The following MIAT variants were observed in gnomAD, a reference collection of about 807,000 sequenced individuals.
MIAT encodes the protein MI related novel mRNA.
chr22:26,653,236 T>C (rs1930368933), intron 2 of MIAT, among the ~76,000 whole-genome samples: 1 of 152,198 alleles, frequency 6.6e-6, no homozygotes, highest in Non-Finnish European at 1.5e-5. Flanking sequence ...AAATGTACCA[T>C]GTTAGAGAAC....
chr22:26,661,917 CATAT>C (rs58654108), intron 2 of MIAT, among the ~76,000 whole-genome samples: 1,209 of 80,244 alleles, frequency 0.015, 20 homozygotes, highest in Non-Finnish European at 0.026. Context: ...TATATAGATC[CATAT>C]ATATATATAT....
chr22:26,672,520 GGGACGTGAGTGT>G (rs1432843360), downstream of MIAT: 2 of 399,268 alleles, frequency 5.0e-6, no homozygotes, highest in Non-Finnish European at 8.8e-6. Context: ...GGAAATCTCT[GGGACGTGAGTGT>G]GGAGGCCTGT....
intron 2 of MIAT, among the ~76,000 whole-genome samples, chr22:26,653,647 A>G (rs1019435277): frequency 6.6e-6 from 1 of 152,168 alleles, no homozygotes; most frequent in African/African-American, 2.4e-5. Flanking sequence ...AGATTTATAA[A>G]AGCATTGTGA....
At chr22:26,656,260 C>T (rs1930444720) in intron 2 of MIAT, 1 of 152,158 alleles carries the variant, frequency 6.6e-6, no homozygotes, top group East Asian at 1.9e-4. Context: ...ATCTGTCTGC[C>T]TCGGCCTCCC....
chr22:26,671,937 G>T (rs1484707578), downstream of MIAT: 1 of 398,292 alleles, frequency 2.5e-6, no homozygotes, highest in Non-Finnish European at 4.4e-6. Flanking sequence ...AGATCCTTCT[G>T]CCTGGGGCAA....
At chr22:26,668,885 C>T (rs1420376425) in exon 6 of MIAT, 1 of 398,516 alleles carries the variant, frequency 2.5e-6, no homozygotes, top group Non-Finnish European at 4.4e-6. Context: ...TGAGAGTGCA[C>T]CATCCTGAAA....
At chr22:26,664,005 CTTTTTT>C in intron 3 of MIAT, among the ~76,000 whole-genome samples, 1 of 116,306 alleles carries the variant, frequency 8.6e-6, no homozygotes, top group Admixed American at 9.7e-5. Context: ...CTGTGTTCAG[CTTTTTT>C]TTTTTTTTTT....
intron 2 of MIAT, among the ~76,000 whole-genome samples, chr22:26,652,186 C>T (rs903918916): frequency 6.6e-6 from 1 of 151,954 alleles, no homozygotes; most frequent in African/African-American, 2.4e-5. Flanking sequence ...TGTAGAGATG[C>T]GGTGGAGCCG....
chr22:26,664,137 G>A (rs1335253154), intron 3 of MIAT, among the ~76,000 whole-genome samples: 3 of 151,326 alleles, frequency 2.0e-5, no homozygotes, highest in Non-Finnish European at 2.9e-5. Flanking sequence ...TCAGTCTCCC[G>A]AGTAGCTGGG....
chr22:26,657,254 G>C (rs1162431833), intron 2 of MIAT: 5 of 363,180 alleles, frequency 1.4e-5, no homozygotes, highest in Admixed American at 4.7e-5. Context: ...GCGGGAGGCT[G>C]AGCGCACCGG....
intron 2 of MIAT, among the ~76,000 whole-genome samples, chr22:26,649,379 C>T (rs1170757597): frequency 6.6e-6 from 1 of 152,198 alleles, no homozygotes; most frequent in African/African-American, 2.4e-5. Flanking sequence ...TGGCAAAGAG[C>T]CTGGCAGTCC....
downstream of MIAT, chr22:26,673,589 T>C: frequency 2.5e-6 from 1 of 398,756 alleles, no homozygotes; most frequent in Non-Finnish European, 4.4e-6. Context: ...AGGTCTAACA[T>C]TCCTCGTTAC....
exon 4 of MIAT, chr22:26,666,703 T>C: frequency 2.5e-6 from 1 of 398,402 alleles, no homozygotes; most frequent in South Asian, 1.3e-4. Context: ...TGTTCTGGGG[T>C]GGAATAAAGA....
At chr22:26,663,729 T>C (rs912944720) in intron 3 of MIAT, among the ~76,000 whole-genome samples, 1 of 152,184 alleles carries the variant, frequency 6.6e-6, no homozygotes, top group African/African-American at 2.4e-5. Flanking sequence ...AATAACTTTA[T>C]TGAGGTATAA....
At chr22:26,665,597 C>T in exon 4 of MIAT, 1 of 398,914 alleles carries the variant, frequency 2.5e-6, no homozygotes, top group Non-Finnish European at 4.4e-6. Context: ...ACGTTCACAA[C>T]CACACTGAGA....
chr22:26,651,230 G>A (rs776377284), intron 2 of MIAT, among the ~76,000 whole-genome samples: 2 of 152,200 alleles, frequency 1.3e-5, no homozygotes, highest in Admixed American at 6.5e-5. Flanking sequence ...AAAGATGGCC[G>A]CTTTGATGAC....
chr22:26,671,014 G>A (rs114354847), downstream of MIAT: 118 of 398,300 alleles, frequency 3.0e-4, no homozygotes, highest in African/African-American at 2.3e-3. Context: ...AGAAACTAGA[G>A]GCCTGACAGT....
In MIAT at chr22:26,676,144, A is replaced by G. The variant is rs1220059979; in HGVS notation, n.9812A>G. On this transcript the variant is annotated non_coding_transcript_exon_variant, in exon 5 of 5. Coordinates refer to the MIAT transcript ENST00000613780. The stretch of plus-strand genomic sequence containing the variant: ...CTTAATAGGTTGTGCTGTGGACCCA[A>G]TGTGAGGGCTGTGCTGGTGTAAATG... 5 of 193,012 alleles carry G rather than the reference A, an allele frequency of 2.6e-5. No homozygotes were observed. The East Asian group carries it at 2.7e-4, about 10-fold the overall frequency. 12.0% of individuals were successfully genotyped at this position (193,012 alleles called of 1,614,324 possible). A position where few individuals can be genotyped will look rare whatever the true frequency, so the allele number is the denominator to read the frequency against.
At chr22:26,666,922 G>A (rs1481002108) in exon 4 of MIAT, 5 of 399,744 alleles carry the variant, frequency 1.3e-5, no homozygotes, top group East Asian at 3.6e-5. Context: ...CCTGTGTGTC[G>A]GCTGGATGCT....
Sources: gnomAD v4.1 joint callset for allele counts (sites outside exome capture counted in the v4.1 genomes callset) on GRCh38, gnomAD v4.1.1 for gene constraint, MANE v1.5 for transcripts, NCBI Gene and HGNC (gene_info 2026-07-23, HGNC 2026-07-21) for gene names.